Variants in SYT16 observed in about 807,000 individuals in gnomAD.
SYT16 encodes synaptotagmin-16.
In SYT16, 42 loss-of-function variants were observed where a neutral mutation model predicts 61.4. The observed-to-expected ratio is 0.68, with a 90% CI of 0.53 to 0.89. The LOEUF is 0.89. Among genes scored for constraint, SYT16 ranks in the 40% least tolerant of loss-of-function variants. The pLI, the probability that SYT16 is intolerant of heterozygous loss-of-function variation, is 0.00. For missense variants in SYT16, 804 were observed against 807.3 expected (o/e 1.00, Z 0.05); for synonymous variants, 314 against 302.3 (o/e 1.04, Z -0.40).
chr14:62,008,393 A>G (rs1959333), intron 3 of SYT16, among the ~76,000 whole-genome samples: 79,557 of 151,874 alleles, frequency 0.52, 21,903 homozygotes, highest in East Asian at 0.7. Context: ...TTGTAAGTTT[A>G]TGAAACATTT....
chr14:61,994,420 C>G (rs899736078), intron 2 of SYT16, among the ~76,000 whole-genome samples: 3 of 152,130 alleles, frequency 2.0e-5, no homozygotes, highest in African/African-American at 7.2e-5. Context: ...TATTAGCTCA[C>G]TAGGTGTTTC....
At chr14:61,882,162 T>A (rs541808632) in intron 1 of SYT16, among the ~76,000 whole-genome samples, 1 of 152,320 alleles carries the variant, frequency 6.6e-6, no homozygotes, top group Admixed American at 6.5e-5. Context: ...CACCCTCATA[T>A]GGCAGACATT....
rs534820134 is a variant in SYT16, at chr14:61,860,285, A to G, written c.-325+47475A>G. ...TGGGTGTGATTTATTTTTAGTTTTC[A>G]TTTTTTGCAAAGCAGCACAGAAGCA... On this transcript the variant is annotated intron_variant, in intron 1 of 7. Coordinates refer to ENST00000683842, the MANE Select transcript of SYT16 (RefSeq NM_001367656.1). Among the ~76,000 whole-genome samples the G allele has an allele frequency of 4.6e-5, 7 of 152,204 alleles. No individual in the cohort carries two copies. The South Asian group carries it at 1.4e-3, about 31-fold the overall frequency.
At chr14:62,096,930 A>G (rs1049656609) in intron 7 of SYT16, among the ~76,000 whole-genome samples, 5 of 152,132 alleles carry the variant, frequency 3.3e-5, no homozygotes, top group African/African-American at 1.2e-4. Context: ...ATACATATTA[A>G]TAAATTAAAA....
chr14:62,004,635 A>G (rs2140670239), intron 3 of SYT16, among the ~76,000 whole-genome samples: 1 of 152,332 alleles, frequency 6.6e-6, no homozygotes, highest in Admixed American at 6.5e-5. Flanking sequence ...GAACATATAA[A>G]GAGAAATAAT....
chr14:61,833,489 T>C (rs140501796), intron 1 of SYT16, among the ~76,000 whole-genome samples: 2,944 of 151,714 alleles, frequency 0.019, 99 homozygotes, highest in African/African-American at 0.066. Context: ...ACGGGGTTTC[T>C]CCATGTTGGT....
At chr14:61,918,984 G>C (rs2049227568) in intron 1 of SYT16, among the ~76,000 whole-genome samples, 1 of 152,160 alleles carries the variant, frequency 6.6e-6, no homozygotes, top group Admixed American at 6.5e-5. Context: ...CATATGGGGA[G>C]GATTCTTAGA....
rs78668859 is a variant in SYT16, at chr14:62,068,066, A to C, written c.524-1537A>C. On this transcript the variant is annotated intron_variant, in intron 3 of 7. Transcript: ENST00000683842. ...CTGGGTATATACCTAAAGGAGGTGA[A>C]ATCACCACCTCATAAAGGTATCTGC... is the stretch of plus-strand genomic sequence containing the variant. Among the ~76,000 whole-genome samples the C allele has an allele frequency of 4.7e-3, 718 of 152,282 alleles. 4 individuals carry two copies. The highest frequency in any genetic ancestry group is 7.3e-3 in the Non-Finnish European group (499 of 68,028).
chr14:61,954,918 A>G (rs1366968206), intron 1 of SYT16, among the ~76,000 whole-genome samples: 1 of 152,186 alleles, frequency 6.6e-6, no homozygotes, highest in Non-Finnish European at 1.5e-5. Flanking sequence ...ACTCTCAAAC[A>G]AAATCTAAGG....
chr14:61,887,484 G>A (rs1203349343), intron 1 of SYT16, among the ~76,000 whole-genome samples: 1 of 152,162 alleles, frequency 6.6e-6, no homozygotes. Context: ...CTCCTCTCTA[G>A]CCATGAAAGT....
intron 1 of SYT16, among the ~76,000 whole-genome samples, chr14:61,967,601 T>C (rs979632480): frequency 2.0e-5 from 3 of 152,148 alleles, no homozygotes; most frequent in Non-Finnish European, 4.4e-5. Flanking sequence ...TCATGTGGCT[T>C]TCATCTCTCC....
intron 2 of SYT16, among the ~76,000 whole-genome samples, chr14:61,976,304 G>A (rs2051797587): frequency 6.6e-6 from 1 of 152,126 alleles, no homozygotes; most frequent in African/African-American, 2.4e-5. Flanking sequence ...AGCTGTTGGT[G>A]GATCTACCAT....
chr14:61,983,578 T>A (rs991509433), intron 2 of SYT16, among the ~76,000 whole-genome samples: 4 of 152,088 alleles, frequency 2.6e-5, no homozygotes, highest in Non-Finnish European at 5.9e-5. Context: ...CAGGCTGGAG[T>A]GCAGTGGTGT....
At chr14:62,112,694 T>C (rs1295544835), downstream of SYT16, 1 of 152,184 alleles carries the variant, frequency 6.6e-6, no homozygotes, top group Non-Finnish European at 1.5e-5. Context: ...TGCAGACATA[T>C]ATTTTAGAAC....
intron 7 of SYT16, among the ~76,000 whole-genome samples, chr14:62,095,547 A>G (rs1595403878): frequency 6.6e-6 from 1 of 151,926 alleles, no homozygotes; most frequent in Non-Finnish European, 1.5e-5. Context: ...GAATATGAAA[A>G]TTATAGAAAA....
At chr14:62,053,578 T>C (rs34290137) in intron 3 of SYT16, among the ~76,000 whole-genome samples, 3 of 152,254 alleles carry the variant, frequency 2.0e-5, no homozygotes, top group Non-Finnish European at 2.9e-5. Context: ...TACAGTATTG[T>C]ACTAATTTTT....
chr14:61,985,392 A>G (rs2052261364), intron 2 of SYT16, among the ~76,000 whole-genome samples: 1 of 152,122 alleles, frequency 6.6e-6, no homozygotes, highest in African/African-American at 2.4e-5. Flanking sequence ...GTGCCCTAGG[A>G]TTTAGAAGAA....
At chr14:61,929,903 G>A (rs886635637) in intron 1 of SYT16, among the ~76,000 whole-genome samples, 26 of 152,136 alleles carry the variant, frequency 1.7e-4, no homozygotes, top group African/African-American at 6.3e-4. Flanking sequence ...TAATCACATA[G>A]TTCACTAGGT....
In SYT16 at chr14:62,102,995, T is replaced by C. The variant is rs1368020633; in HGVS notation, c.*2288T>C. On this transcript the variant is annotated 3_prime_UTR_variant, in exon 8 of 8. Coordinates refer to ENST00000683842, the MANE Select transcript of SYT16 (RefSeq NM_001367656.1). ...CTGAAAACATTTTTTATTTTTATAA[T>C]TTTACTATGTTGGTGCTACTCACCA... is the stretch of plus-strand genomic sequence containing the variant. The C allele has an allele frequency of 6.6e-6, 1 of 152,224 alleles. No individual in the cohort carries two copies. Among genetic ancestry groups the C allele is most frequent in the Non-Finnish European group, 1.5e-5 (1 of 68,036 alleles). The allele number at this position is 152,224 out of a possible 1,614,324, so 9.4% of individuals were successfully genotyped here.
Sources: allele counts gnomAD v4.1 joint callset (sites outside exome capture counted in the v4.1 genomes callset), GRCh38; gene constraint gnomAD v4.1.1; transcripts MANE v1.5; gene names NCBI Gene and HGNC (gene_info 2026-07-23, HGNC 2026-07-21).